HS6ST2: variants seen among roughly 807,000 people sequenced by gnomAD.
HS6ST2 encodes the protein heparan-sulfate 6-O-sulfotransferase 2.
Under a neutral mutation model 33.0 loss-of-function variants are expected in HS6ST2, and 17 were observed. The observed-to-expected ratio is 0.52, with a 90% CI of 0.35 to 0.77. The LOEUF is 0.77. Among genes scored for constraint, HS6ST2 ranks in the 30% least tolerant of loss-of-function variants. The pLI is 0.01. For missense variants in HS6ST2, 519 were observed against 551.7 expected (o/e 0.94, Z 0.59); for synonymous variants, 248 against 237.1 (o/e 1.05, Z -0.42).
Position 132,838,658 on chromosome X carries a change from T to A in HS6ST2, c.947+118150A>T, listed in dbSNP as rs142497768. On this transcript the variant is annotated intron_variant, in intron 2 of 4. Coordinates refer to ENST00000370833, the MANE Select transcript of HS6ST2 (RefSeq NM_001394073.1). ...AATGAATGCAAGAAGGTTTTATTTT[T>A]TGCTGAATCACACTTGACTATAGAA... 3.8e-3 allele frequency among the ~76,000 whole-genome samples: 421 copies of A among 111,726 alleles called. 5 individuals are homozygous for A. Among genetic ancestry groups the A allele is most frequent in the African/African-American group, 0.013 (392 of 30,756 alleles).
At chrX:132,922,599 C>T (rs1427566901) in intron 2 of HS6ST2, among the ~76,000 whole-genome samples, 2 of 111,837 alleles carry the variant, frequency 1.8e-5, no homozygotes, top group Non-Finnish European at 1.9e-5. Flanking sequence ...TGACCACGGC[C>T]CATGACACAA....
At chrX:132,914,950 GA>G (rs1437316323) in intron 2 of HS6ST2, among the ~76,000 whole-genome samples, 2 of 112,754 alleles carry the variant, frequency 1.8e-5, no homozygotes, top group Non-Finnish European at 3.7e-5. Context: ...TTTTTAAAAG[GA>G]AAGATGTATT....
rs867456785 is a variant in HS6ST2 at position 132,957,043 on chromosome X, C to A, written c.712G>T (p.Gly238Trp). Residue 238 changes from glycine (G) to tryptophan (W), a missense_variant, in exon 2 of 5, where the codon GGG (glycine) becomes TGG (tryptophan). Transcript: ENST00000370833. ...LIVFLHIQKT[G>W]GTTFGRHLVR... ...AAGTGGCGGCCGAAAGTGGTGCCCCCGGTCTTCTGGATGTGCAGGAACACG... is the reference window on the plus strand; with the variant it reads ...AAGTGGCGGCCGAAAGTGGTGCCCCAGGTCTTCTGGATGTGCAGGAACACG... 1.7e-6 allele frequency: 2 copies of A among 1,211,925 alleles called. No individual in the cohort carries two copies. Among genetic ancestry groups the A allele is most frequent in the Non-Finnish European group, 2.2e-6 (2 of 895,440 alleles).
intron 2 of HS6ST2, among the ~76,000 whole-genome samples, chrX:132,955,413 G>A (rs2148507304): frequency 8.9e-6 from 1 of 112,418 alleles, no homozygotes; most frequent in African/African-American, 3.2e-5. Context: ...GAGCCAGGGG[G>A]TGATGTTCCC....
intron 4 of HS6ST2, among the ~76,000 whole-genome samples, chrX:132,637,330 T>C (rs1185673929): frequency 9.0e-6 from 1 of 111,127 alleles, no homozygotes; most frequent in African/African-American, 3.3e-5. Flanking sequence ...CAGAAGTCTC[T>C]CAGAAATCCC....
intron 2 of HS6ST2, among the ~76,000 whole-genome samples, chrX:132,711,876 G>A (rs1329527190): frequency 1.8e-5 from 2 of 111,061 alleles, no homozygotes; most frequent in Non-Finnish European, 3.8e-5. Context: ...CTCTTGCACC[G>A]CCACCACCCT....
chrX:132,773,264 C>A (rs1228027110), intron 2 of HS6ST2, among the ~76,000 whole-genome samples: 1 of 99,078 alleles, frequency 1.0e-5, no homozygotes, highest in East Asian at 3.0e-4. Flanking sequence ...ATTTATAATC[C>A]AAAAGTCAAC....
rs975996762 is a variant in HS6ST2, at chrX:132,736,741, A to G, written c.948-28247T>C. On this transcript the variant is annotated intron_variant, in intron 2 of 4. Transcript: ENST00000370833. ...TTGCTGAATGAGAGAATGAATAAAT[A>G]TATACATGAATGAATGATCAAACAC... 3.6e-5 allele frequency among the ~76,000 whole-genome samples: 4 copies of G among 112,104 alleles called. No individual in the cohort carries two copies. In the South Asian group the frequency reaches 1.5e-3, roughly 42 times the overall value.
At chrX:132,667,523 T>C (rs1297436559) in intron 4 of HS6ST2, 1 of 112,115 alleles carries the variant, frequency 8.9e-6, no homozygotes, top group Admixed American at 9.4e-5. Context: ...ATTCTCTATG[T>C]CATCTTAACT....
At chrX:132,726,354 G>A (rs1316604266) in intron 2 of HS6ST2, among the ~76,000 whole-genome samples, 1 of 111,503 alleles carries the variant, frequency 9.0e-6, no homozygotes, top group Admixed American at 9.5e-5. Context: ...AAAAAGTAAA[G>A]GAATCTTTTC....
At chrX:132,630,137 C>CT (rs2063507178) in intron 4 of HS6ST2, among the ~76,000 whole-genome samples, 1 of 112,202 alleles carries the variant, frequency 8.9e-6, no homozygotes, top group Non-Finnish European at 1.9e-5. Flanking sequence ...TGTCATTGTG[C>CT]TTTTCATGAG....
At chrX:132,855,076 T>C (rs770414144) in intron 2 of HS6ST2, among the ~76,000 whole-genome samples, 58 of 112,325 alleles carry the variant, frequency 5.2e-4, no homozygotes, top group Admixed American at 1.5e-3. Context: ...GTGGGAAAAG[T>C]TCAACCCCCG....
At chrX:132,632,037 C>T (rs1160679743) in intron 4 of HS6ST2, among the ~76,000 whole-genome samples, 1 of 110,748 alleles carries the variant, frequency 9.0e-6, no homozygotes, top group Non-Finnish European at 1.9e-5. Context: ...TGAAGGTCAC[C>T]TAGTGCCCTT....
At chrX:132,890,761 A>C (rs149170478) in intron 2 of HS6ST2, among the ~76,000 whole-genome samples, 178 of 111,202 alleles carry the variant, frequency 1.6e-3, no homozygotes, top group Middle Eastern at 4.6e-3. Flanking sequence ...AGCCCTAATG[A>C]CAATCACAAG....
At chrX:132,698,878 C>T (rs945822463) in intron 3 of HS6ST2, among the ~76,000 whole-genome samples, 1 of 112,080 alleles carries the variant, frequency 8.9e-6, no homozygotes, top group Non-Finnish European at 1.9e-5. Flanking sequence ...TTGTCTTATT[C>T]AATTGTCATA....
intron 4 of HS6ST2, among the ~76,000 whole-genome samples, chrX:132,655,711 A>G (rs2063725612): frequency 9.0e-6 from 1 of 111,150 alleles, no homozygotes. Flanking sequence ...TGATGATAAC[A>G]TTATATTGTT....
At chrX:132,693,863 C>G (rs964542164) in intron 3 of HS6ST2, among the ~76,000 whole-genome samples, 17 of 111,706 alleles carry the variant, frequency 1.5e-4, no homozygotes, top group African/African-American at 4.2e-4. Flanking sequence ...CCCCCACAAC[C>G]TGTGTGCACT....
chrX:132,681,486 T>C (rs1276302050), intron 3 of HS6ST2, among the ~76,000 whole-genome samples: 1 of 111,727 alleles, frequency 9.0e-6, no homozygotes, highest in East Asian at 2.8e-4. Context: ...TTGGCTCTGA[T>C]ATAATCAGAA....
At chrX:132,677,267 G>GTGA (rs1186145644) in intron 3 of HS6ST2, among the ~76,000 whole-genome samples, 3 of 111,944 alleles carry the variant, frequency 2.7e-5, no homozygotes, top group Non-Finnish European at 5.6e-5. Context: ...TCATTTGGAG[G>GTGA]TGAGATTCTG....
Sources: allele counts gnomAD v4.1 joint callset (sites outside exome capture counted in the v4.1 genomes callset), GRCh38; gene constraint gnomAD v4.1.1; transcripts MANE v1.5; gene names NCBI Gene and HGNC (gene_info 2026-07-23, HGNC 2026-07-21).